Variants in GRID2 observed in about 807,000 individuals in gnomAD.
The protein encoded by GRID2 is glutamate receptor ionotropic, delta-2.
GRID2 carries 33 observed loss-of-function variants against 114.8 expected under a neutral mutation model. The observed-to-expected ratio is 0.29, with a 90% confidence interval of 0.22 to 0.38. The LOEUF (loss-of-function observed/expected upper bound fraction) is 0.38, where lower values mean the gene tolerates loss of function less well. Ranked by LOEUF, GRID2 falls within the 10% of genes least tolerant of loss-of-function variation. The probability of loss-of-function intolerance (pLI) is 1.00; values close to 1 mark genes in which losing one functional copy is unlikely to be tolerated. For missense variants in GRID2, 1,184 were observed against 1,257.7 expected (o/e 0.94, Z 0.89); for synonymous variants, 505 against 449.9 (o/e 1.12, Z -1.55).
rs138495213 is a variant in GRID2, at chr4:92,706,150, C to A, written c.244+115864C>A. ...CGGGGGAGCATCATACGTTTTAAGACAATAATAAACTCATAGGCCTCTGAA... is the reference window on the plus strand; with the variant it reads ...CGGGGGAGCATCATACGTTTTAAGAAAATAATAAACTCATAGGCCTCTGAA... On this transcript the variant is annotated intron_variant, in intron 2 of 15. Coordinates refer to ENST00000282020, the MANE Select transcript of GRID2 (RefSeq NM_001510.4). 6.0e-3 allele frequency among the ~76,000 whole-genome samples: 909 copies of A among 152,142 alleles called. 6 individuals are homozygous for A. Among genetic ancestry groups the A allele is most frequent in the Non-Finnish European group, 9.6e-3 (652 of 67,988 alleles).
intron 2 of GRID2, among the ~76,000 whole-genome samples, chr4:92,828,952 C>T (rs1741917149): frequency 6.6e-6 from 1 of 152,054 alleles, no homozygotes; most frequent in African/African-American, 2.4e-5. Flanking sequence ...AATTTTCTCC[C>T]ATCCTGTAGG....
At chr4:92,908,638 C>T (rs1748142832) in intron 2 of GRID2, among the ~76,000 whole-genome samples, 1 of 150,910 alleles carries the variant, frequency 6.6e-6, no homozygotes, top group Non-Finnish European at 1.5e-5. Flanking sequence ...GCACACTTTG[C>T]TAGATTCAAA....
rs566333221 is a variant in GRID2 at position 93,790,126 on chromosome 4, C to T, written c.222-16589C>T. On this transcript the variant is annotated intron_variant, in intron 1 of 1. Coordinates refer to the GRID2 transcript ENST00000637838. ...TGTCACCCCCACCCCACCCCTACCC[C>T]GTGCCCATCCGTGGAGGAAAAATTG... Among the ~76,000 whole-genome samples, 292 of 150,652 alleles carry T rather than the reference C, an allele frequency of 1.9e-3. 1 individual carries two copies. Among genetic ancestry groups the T allele is most frequent in the African/African-American group, 6.5e-3 (264 of 40,842 alleles).
chr4:93,496,786 A>G (rs144331278), intron 12 of GRID2, among the ~76,000 whole-genome samples: 9 of 151,990 alleles, frequency 5.9e-5, no homozygotes, highest in South Asian at 2.1e-4. Context: ...TTACTGAATG[A>G]CATTTTTATT....
intron 2 of GRID2, among the ~76,000 whole-genome samples, chr4:92,598,575 C>T (rs1280782168): frequency 6.6e-6 from 1 of 152,004 alleles, no homozygotes; most frequent in Non-Finnish European, 1.5e-5. Flanking sequence ...AATTAGATAC[C>T]TGCCTTTATT....
Position 92,872,219 on chromosome 4 carries a change from C to T in GRID2, c.245-212776C>T, listed in dbSNP as rs1401299765. 2.6e-5 allele frequency among the ~76,000 whole-genome samples: 4 copies of T among 152,140 alleles called. No homozygotes were observed. The East Asian group carries it at 7.7e-4, about 29-fold the overall frequency. On this transcript the variant is annotated intron_variant, in intron 2 of 15. Transcript: ENST00000282020. ...AAATGTATGCCAAACATCAACATTA[C>T]TCTTTATTAATATCAATTTATGAAC...
chr4:92,923,945 C>T (rs1320198159), intron 2 of GRID2, among the ~76,000 whole-genome samples: 1 of 152,146 alleles, frequency 6.6e-6, no homozygotes, highest in Non-Finnish European at 1.5e-5. Flanking sequence ...AAGACACATG[C>T]ACACGTATGT....
chr4:93,190,414 T>G (rs1402005355), intron 4 of GRID2, among the ~76,000 whole-genome samples: 1 of 152,168 alleles, frequency 6.6e-6, no homozygotes, highest in Non-Finnish European at 1.5e-5. Context: ...TCTTTTCAAC[T>G]TCATTCAGAA....
intron 1 of GRID2, among the ~76,000 whole-genome samples, chr4:92,317,841 A>T (rs926026638): frequency 1.3e-5 from 2 of 152,170 alleles, no homozygotes; most frequent in African/African-American, 4.8e-5. Context: ...TTATCACTGA[A>T]AAAAACTGCC....
rs867744251 is a variant in GRID2 at position 92,989,303 on chromosome 4, T to A, written c.245-95692T>A. 7.1e-3 allele frequency among the ~76,000 whole-genome samples: 751 copies of A among 106,492 alleles called. 2 individuals carry two copies. Among genetic ancestry groups the A allele is most frequent in the African/African-American group, 0.014 (374 of 27,642 alleles). 69.9% of individuals were successfully genotyped at this position (106,492 alleles called of 152,430 possible). On this transcript the variant is annotated intron_variant, in intron 2 of 15. Coordinates refer to ENST00000282020, the MANE Select transcript of GRID2 (RefSeq NM_001510.4). ...AAAAAAAAAAAAAAAAAAAAAAAAA[T>A]AATAATAATAATCCCATAGCTATTT...
At chr4:92,918,704 C>G (rs1749032981) in intron 2 of GRID2, among the ~76,000 whole-genome samples, 1 of 152,150 alleles carries the variant, frequency 6.6e-6, no homozygotes, top group Non-Finnish European at 1.5e-5. Context: ...ATGAAGCCCA[C>G]TGGATCATGG....
chr4:93,708,688 G>A (rs1728216727), intron 14 of GRID2, among the ~76,000 whole-genome samples: 1 of 151,832 alleles, frequency 6.6e-6, no homozygotes, highest in African/African-American at 2.4e-5. Flanking sequence ...GACAAGTAAG[G>A]ACTTACTACT....
intron 2 of GRID2, among the ~76,000 whole-genome samples, chr4:92,899,166 A>C (rs1211122089): frequency 6.6e-6 from 1 of 152,078 alleles, no homozygotes; most frequent in East Asian, 1.9e-4. Flanking sequence ...AATTTTAATA[A>C]TAGGAGTAAT....
intron 2 of GRID2, among the ~76,000 whole-genome samples, chr4:92,958,506 T>C (rs1029628588): frequency 6.6e-6 from 1 of 152,082 alleles, no homozygotes; most frequent in African/African-American, 2.4e-5. Flanking sequence ...GCCTTGTATA[T>C]CCGGGATAAA....
intron 1 of GRID2, among the ~76,000 whole-genome samples, chr4:93,781,578 C>G (rs1416547846): frequency 6.6e-6 from 1 of 152,094 alleles, no homozygotes; most frequent in African/African-American, 2.4e-5. Context: ...CCCTCAGATA[C>G]CAGAATCCAA....
intron 2 of GRID2, among the ~76,000 whole-genome samples, chr4:92,887,238 T>A (rs567162111): frequency 3.8e-4 from 58 of 152,348 alleles, no homozygotes; most frequent in African/African-American, 1.2e-3. Flanking sequence ...TGGCTCAGTA[T>A]CCTTACATAG....
intron 2 of GRID2, among the ~76,000 whole-genome samples, chr4:92,963,489 C>A (rs1752951551): frequency 6.6e-6 from 1 of 151,914 alleles, no homozygotes. Flanking sequence ...CCATAAGAAG[C>A]AACTCCTCAT....
chr4:92,335,406 G>A (rs941531332), intron 1 of GRID2, among the ~76,000 whole-genome samples: 4 of 152,192 alleles, frequency 2.6e-5, no homozygotes, highest in East Asian at 3.9e-4. Flanking sequence ...TTGCTGCAAA[G>A]CACTGAGAGA....
chr4:93,266,606 G>T (rs1400268285), intron 8 of GRID2, among the ~76,000 whole-genome samples: 8 of 152,110 alleles, frequency 5.3e-5, no homozygotes, highest in African/African-American at 9.7e-5. Context: ...TAGAGACGGG[G>T]TTTCACCACA....
Sources: allele counts gnomAD v4.1 joint callset (sites outside exome capture counted in the v4.1 genomes callset), GRCh38; gene constraint gnomAD v4.1.1; transcripts MANE v1.5; gene names NCBI Gene and HGNC (gene_info 2026-07-23, HGNC 2026-07-21).